FMN2: variants seen among roughly 807,000 people sequenced by gnomAD.
The protein encoded by FMN2 is formin 2, also known as formin-2.
Under a neutral mutation model 142.3 loss-of-function variants are expected in FMN2, and 51 were observed. That is an observed-to-expected ratio of 0.36 (90% CI 0.29 to 0.45). FMN2 has a LOEUF of 0.45. Among genes scored for constraint, FMN2 ranks in the 20% least tolerant of loss-of-function variants. The pLI, the probability that FMN2 is intolerant of heterozygous loss-of-function variation, is 1.00. For missense variants in FMN2, 1,936 were observed against 2,122.8 expected, an observed-to-expected ratio of 0.91 and a Z score of 1.73; for synonymous variants, 882 against 869.8, an observed-to-expected ratio of 1.01 and a Z score of -0.25.
intron 14 of FMN2, among the ~76,000 whole-genome samples, chr1:240,356,315 T>C (rs1275463694): frequency 6.6e-6 from 1 of 152,196 alleles, no homozygotes; most frequent in Non-Finnish European, 1.5e-5. Context: ...TGTCAAAACA[T>C]TGTACCCAGG....
chr1:240,282,232 T>C (rs2102940092), intron 7 of FMN2, among the ~76,000 whole-genome samples: 1 of 152,262 alleles, frequency 6.6e-6, no homozygotes, highest in Middle Eastern at 3.4e-3. Context: ...GCTTACCAAG[T>C]CTCTCCAAGA....
intron 14 of FMN2, among the ~76,000 whole-genome samples, chr1:240,366,145 G>A (rs1672663192): frequency 6.6e-6 from 1 of 152,064 alleles, no homozygotes; most frequent in Non-Finnish European, 1.5e-5. Flanking sequence ...TAACCTAAAT[G>A]AGGTATAAAG....
At chr1:240,451,958 G>A (rs1050916053) in intron 16 of FMN2, among the ~76,000 whole-genome samples, 4 of 151,988 alleles carry the variant, frequency 2.6e-5, no homozygotes, top group Non-Finnish European at 4.4e-5. Context: ...TTGGGAGGCC[G>A]AGGTGGGCAG....
intron 2 of FMN2, among the ~76,000 whole-genome samples, chr1:240,152,765 A>G (rs559732702): frequency 1.3e-5 from 2 of 152,316 alleles, no homozygotes; most frequent in Admixed American, 6.5e-5. Context: ...GAAGCCTGCC[A>G]CTGTCTTGGC....
intron 2 of FMN2, among the ~76,000 whole-genome samples, chr1:240,131,315 G>A (rs1662724758): frequency 6.6e-6 from 1 of 152,146 alleles, no homozygotes; most frequent in South Asian, 2.1e-4. Context: ...GGAGCAAAGG[G>A]GAAGGTTTTT....
chr1:240,238,364 T>C (rs1004109867), intron 6 of FMN2, among the ~76,000 whole-genome samples: 1 of 152,236 alleles, frequency 6.6e-6, no homozygotes, highest in Non-Finnish European at 1.5e-5. Flanking sequence ...TGCTTCTGAA[T>C]GTTCAGCCAG....
intron 6 of FMN2, among the ~76,000 whole-genome samples, chr1:240,245,873 GA>G (rs1294368207): frequency 1.3e-5 from 2 of 152,092 alleles, no homozygotes; most frequent in Non-Finnish European, 2.9e-5. Flanking sequence ...AGCCTGAGAG[GA>G]AAAGGATAGA....
intron 2 of FMN2, chr1:240,144,576 A>G (rs1377772508): frequency 1.5e-6 from 2 of 1,377,868 alleles, no homozygotes; most frequent in South Asian, 1.2e-5. Flanking sequence ...ATCAGTGCCA[A>G]TCTCAGAGCT....
At chr1:240,439,768 A>G (rs1192228464) in intron 16 of FMN2, among the ~76,000 whole-genome samples, 4 of 152,172 alleles carry the variant, frequency 2.6e-5, no homozygotes, top group Non-Finnish European at 4.4e-5. Flanking sequence ...ACTAAGTCAT[A>G]TATTAAGTGA....
chr1:240,312,533 T>G (rs1670633463), intron 8 of FMN2, among the ~76,000 whole-genome samples: 1 of 152,182 alleles, frequency 6.6e-6, no homozygotes, highest in Non-Finnish European at 1.5e-5. Flanking sequence ...TGGCACATAG[T>G]AAGCACTACA....
chr1:240,211,400 C>T (rs1666688125), intron 6 of FMN2, among the ~76,000 whole-genome samples, 165 bp downstream of exon 6: 1 of 152,148 alleles, frequency 6.6e-6, no homozygotes, highest in African/African-American at 2.4e-5. Context: ...TAAGACTAGC[C>T]CAAATAGAAC....
intron 6 of FMN2, among the ~76,000 whole-genome samples, chr1:240,228,303 C>CAAAAAAAAAAAAAAAAAAA (rs577421634): frequency 1.1e-3 from 51 of 47,740 alleles, no homozygotes; most frequent in Non-Finnish European, 1.4e-3. Context: ...AACTCTGTCT[C>CAAAAAAAAAAAAAAAAAAA]AAAAAAAAAA....
At chr1:240,143,161 A>G (rs878919466) in intron 2 of FMN2, 4 of 1,579,484 alleles carry the variant, frequency 2.5e-6, no homozygotes, top group Non-Finnish European at 8.7e-7. Flanking sequence ...AACTGGCGCA[A>G]CATTGCAGCC....
At chr1:240,435,176 A>AG (rs397945831) in intron 15 of FMN2, among the ~76,000 whole-genome samples, 1 of 118,706 alleles carries the variant, frequency 8.4e-6, no homozygotes, top group Non-Finnish European at 1.5e-5. Context: ...TACATATATT[A>AG]CTACTTCAGT....
chr1:240,120,418 T>G (rs939373164), intron 1 of FMN2, among the ~76,000 whole-genome samples: 10 of 152,302 alleles, frequency 6.6e-5, no homozygotes, highest in Middle Eastern at 3.4e-3. Context: ...GCCCTTTACA[T>G]AAAAAGTTTG....
chr1:240,348,748 T>G (rs544904946), intron 13 of FMN2, among the ~76,000 whole-genome samples: 6 of 152,320 alleles, frequency 3.9e-5, no homozygotes, highest in Admixed American at 2.0e-4. Flanking sequence ...TGTCTGTATC[T>G]TCCCTTGTCT....
chr1:240,287,555 T>C (rs1364391598), intron 7 of FMN2, among the ~76,000 whole-genome samples: 1 of 152,228 alleles, frequency 6.6e-6, no homozygotes, highest in South Asian at 2.1e-4. Context: ...CTCTGGTTAC[T>C]TGTTTAGTCT....
At chr1:240,170,023 T>A (rs1158240738) in intron 2 of FMN2, 9 of 556,540 alleles carry the variant, frequency 1.6e-5, no homozygotes, top group Non-Finnish European at 2.9e-5. Context: ...AAACTCAGAT[T>A]AATTCCCACA....
intron 15 of FMN2, among the ~76,000 whole-genome samples, chr1:240,428,955 T>C (rs1445723939): frequency 6.6e-6 from 1 of 152,208 alleles, no homozygotes; most frequent in Non-Finnish European, 1.5e-5. Flanking sequence ...ATTTCTTGTC[T>C]TCCATACTTA....
Sources: gnomAD v4.1 joint callset for allele counts (sites outside exome capture counted in the v4.1 genomes callset) on GRCh38, gnomAD v4.1.1 for gene constraint, MANE v1.5 for transcripts, NCBI Gene and HGNC (gene_info 2026-07-23, HGNC 2026-07-21) for gene names.